MRPL1: variants seen among roughly 807,000 people sequenced by gnomAD.
The protein encoded by MRPL1 is mitochondrial ribosomal protein L1, also known as large ribosomal subunit protein uL1m.
In MRPL1, 28 loss-of-function variants were observed where a neutral mutation model predicts 38.0. The observed-to-expected ratio is 0.74, with a 90% CI of 0.55 to 1.01. The LOEUF (loss-of-function observed/expected upper bound fraction) is 1.01. MRPL1 is among the 50% of genes least tolerant of loss of function. The probability of loss-of-function intolerance (pLI) is 0.00; values close to 1 mark genes in which losing one functional copy is unlikely to be tolerated. For synonymous variants in MRPL1, 123 were observed against 126.7 expected (o/e 0.97, Z 0.20); for missense variants, 358 against 389.8 (o/e 0.92, Z 0.69).
intron 5 of MRPL1, among the ~76,000 whole-genome samples, chr4:77,893,631 C>T (rs967616098): frequency 2.6e-5 from 4 of 151,794 alleles, no homozygotes; most frequent in East Asian, 3.9e-4. Flanking sequence ...TCTTAGTTAT[C>T]GGTGGTAAGG....
At chr4:77,868,788 GA>G (rs1464976065) in intron 1 of MRPL1, among the ~76,000 whole-genome samples, 2 of 152,196 alleles carry the variant, frequency 1.3e-5, no homozygotes, top group Non-Finnish European at 2.9e-5. Context: ...TCAAGTAACT[GA>G]AAGAAGATGA....
intron 8 of MRPL1, among the ~76,000 whole-genome samples, chr4:77,952,137 C>T (rs1167339747): frequency 6.6e-6 from 1 of 152,156 alleles, no homozygotes; most frequent in Non-Finnish European, 1.5e-5. Flanking sequence ...TGATTTAAGT[C>T]ACCACCACTA....
chr4:77,931,689 G>GTATATACA (rs1167426591), intron 7 of MRPL1, among the ~76,000 whole-genome samples: 1 of 152,194 alleles, frequency 6.6e-6, no homozygotes, highest in Admixed American at 6.5e-5. Context: ...TAGTCATCTT[G>GTATATACA]TGTTGGTATA....
chr4:77,893,068 T>G (rs1268721868), intron 5 of MRPL1, among the ~76,000 whole-genome samples: 1 of 152,168 alleles, frequency 6.6e-6, no homozygotes, highest in African/African-American at 2.4e-5. Flanking sequence ...TTGTCAGAAT[T>G]CAAGTTTTTA....
intron 7 of MRPL1, among the ~76,000 whole-genome samples, chr4:77,938,569 ATAG>A (rs1737043838): frequency 6.6e-6 from 1 of 152,174 alleles, no homozygotes. Context: ...TTGGGCCCAA[ATAG>A]TGGTGGTGGT....
chr4:77,932,125 C>T (rs937936271), intron 7 of MRPL1, among the ~76,000 whole-genome samples: 3 of 152,198 alleles, frequency 2.0e-5, no homozygotes, highest in African/African-American at 7.2e-5. Flanking sequence ...TCAGCCTGCT[C>T]AAGAAACTCA....
intron 7 of MRPL1, among the ~76,000 whole-genome samples, chr4:77,926,530 G>A (rs1190894377): frequency 6.6e-6 from 1 of 152,088 alleles, no homozygotes; most frequent in African/African-American, 2.4e-5. Context: ...TCTGGATAAA[G>A]AGATACTTGG....
rs540984902 is a variant in MRPL1 at position 77,892,200 on chromosome 4, C to T, written c.559-1939C>T. Among the ~76,000 whole-genome samples, 19 of 151,534 alleles carry T rather than the reference C, an allele frequency of 1.3e-4. No individual in the cohort carries two copies. In the South Asian group the frequency reaches 4.0e-3, roughly 32 times the overall value. On this transcript the variant is annotated intron_variant, in intron 5 of 8. Coordinates refer to ENST00000315567, the MANE Select transcript of MRPL1 (RefSeq NM_020236.4). ...AGTGGGGAGTGCAATGGCGCAATCTCGGCTCACTGCAACCTCCACCTCCCG... is the reference window on the plus strand; with the variant it reads ...AGTGGGGAGTGCAATGGCGCAATCTTGGCTCACTGCAACCTCCACCTCCCG...
chr4:77,944,538 T>A (rs1737209635), intron 7 of MRPL1, among the ~76,000 whole-genome samples: 2 of 152,196 alleles, frequency 1.3e-5, no homozygotes, highest in Admixed American at 1.3e-4. Context: ...TTATGTTGTG[T>A]TTTAGTGTCT....
chr4:77,918,535 C>G (rs927541041), intron 7 of MRPL1, among the ~76,000 whole-genome samples: 8 of 152,104 alleles, frequency 5.3e-5, no homozygotes, highest in African/African-American at 1.9e-4. Flanking sequence ...AGCATGTGAG[C>G]TATTGCTCTC....
chr4:77,880,056 G>A (rs1735501116), intron 2 of MRPL1, among the ~76,000 whole-genome samples: 1 of 152,006 alleles, frequency 6.6e-6, no homozygotes, highest in Non-Finnish European at 1.5e-5. Flanking sequence ...AGTTTTATAG[G>A]ACTTCATATT....
intron 5 of MRPL1, among the ~76,000 whole-genome samples, chr4:77,893,307 G>A (rs1358759690): frequency 1.3e-5 from 2 of 152,106 alleles, no homozygotes; most frequent in Admixed American, 1.3e-4. Flanking sequence ...TGTAGAGACA[G>A]GATTTTGCCT....
At chr4:77,880,826 A>G (rs1040722629) in intron 2 of MRPL1, among the ~76,000 whole-genome samples, 6 of 152,144 alleles carry the variant, frequency 3.9e-5, no homozygotes, top group Middle Eastern at 3.2e-3. Flanking sequence ...CATTGCCCAC[A>G]TATCTATGGG....
In MRPL1 at chr4:77,924,602, A is replaced by G. The variant is rs72869595; in HGVS notation, c.777+15230A>G. 6.0e-4 allele frequency among the ~76,000 whole-genome samples: 91 copies of G among 152,048 alleles called. 1 individual carries two copies. The highest frequency in any genetic ancestry group is 2.1e-3 in the African/African-American group (86 of 41,472). The stretch of plus-strand genomic sequence containing the variant: ...GATTACATTTTTTTTCATAGTGCTT[A>G]TTGCTACTTGGCATGCTATATATGT... On this transcript the variant is annotated intron_variant, in intron 7 of 8. Coordinates refer to ENST00000315567, the MANE Select transcript of MRPL1 (RefSeq NM_020236.4).
chr4:77,931,177 C>CT (rs1197174813), intron 7 of MRPL1, among the ~76,000 whole-genome samples: 1 of 152,160 alleles, frequency 6.6e-6, no homozygotes, highest in Non-Finnish European at 1.5e-5. Flanking sequence ...AAAGGCAAGC[C>CT]TTTGGAGTTT....
In MRPL1 at chr4:77,862,863, A is replaced by C; in HGVS notation, c.15A>C (p.Val5=). Reference sequence around the variant, plus strand: ...GAGTGCCCAACATGGCGGCGGCCGTAAGGTGCATGGGTAGAGGTAAGGCGA... The same window carrying C: ...GAGTGCCCAACATGGCGGCGGCCGTCAGGTGCATGGGTAGAGGTAAGGCGA... MAAA[V]RCMGRALIHH... Residue 5 remains valine, a synonymous_variant, in exon 1 of 9, where the codon GTA becomes GTC. Coordinates refer to ENST00000315567, the MANE Select transcript of MRPL1 (RefSeq NM_020236.4). 2 of 1,614,106 alleles carry C rather than the reference A, an allele frequency of 1.2e-6. No individual in the cohort carries two copies. Among genetic ancestry groups the C allele is most frequent in the Non-Finnish European group, 1.7e-6 (2 of 1,180,000 alleles).
chr4:77,880,181 G>A (rs1446611150), intron 2 of MRPL1, among the ~76,000 whole-genome samples: 1 of 152,092 alleles, frequency 6.6e-6, no homozygotes, highest in Non-Finnish European at 1.5e-5. Flanking sequence ...AGTCTGACAT[G>A]GATCTCACTG....
Position 77,894,087 on chromosome 4 carries a change from C to T in MRPL1, c.559-52C>T, listed in dbSNP as rs369774459. 3.1e-4 allele frequency: 317 copies of T among 1,013,894 alleles called. 2 individuals are homozygous for T. The highest frequency in any genetic ancestry group is 4.3e-4 in the Non-Finnish European group (285 of 660,240). 62.8% of individuals were successfully genotyped at this position (1,013,894 alleles called of 1,614,324 possible). On this transcript the variant is annotated intron_variant, in intron 5 of 8. Transcript: ENST00000315567. ...ATGACTACATTGTACTTTTTCAGAA[C>T]GATAAAGCTTTTCATCTCATCTGAG...
At chr4:77,947,264 A>G (rs145060224) in intron 7 of MRPL1, among the ~76,000 whole-genome samples, 94 of 152,324 alleles carry the variant, frequency 6.2e-4, no homozygotes, top group African/African-American at 2.1e-3. Context: ...AAGATTCAGT[A>G]AAGTGGTCTT....
Sources: gnomAD v4.1 joint callset for allele counts (sites outside exome capture counted in the v4.1 genomes callset) on GRCh38, gnomAD v4.1.1 for gene constraint, MANE v1.5 for transcripts, NCBI Gene and HGNC (gene_info 2026-07-23, HGNC 2026-07-21) for gene names.